ZNF568: variants seen among roughly 807,000 people sequenced by gnomAD.
ZNF568 encodes the protein zinc finger protein 568, also known as p53 inhibitor of SCO2 activation.
A neutral mutation model predicts 18.1 loss-of-function variants in ZNF568; 11 were observed. The ratio of observed to expected loss-of-function variants is 0.61; its 90% CI spans 0.38 to 1.00. The LOEUF (loss-of-function observed/expected upper bound fraction) is 1.00, where lower values mean the gene tolerates loss of function less well. Among genes scored for constraint, ZNF568 ranks in the 50% least tolerant of loss-of-function variants. The pLI, the probability that ZNF568 is intolerant of heterozygous loss-of-function variation, is 0.01. For missense variants in ZNF568, 639 were observed against 768.2 expected (o/e 0.83, Z 1.99); for synonymous variants, 213 against 246.6 (o/e 0.86, Z 1.28).
chr19:36,921,648 T>C (rs920548701), intron 2 of ZNF568, among the ~76,000 whole-genome samples: 2 of 152,156 alleles, frequency 1.3e-5, no homozygotes, highest in South Asian at 4.1e-4. Flanking sequence ...TTTTACCCTT[T>C]ACCTAATAAA....
At chr19:36,945,168 C>G (rs753603620) in intron 6 of ZNF568, among the ~76,000 whole-genome samples, 5 of 151,464 alleles carry the variant, frequency 3.3e-5, no homozygotes, top group African/African-American at 4.9e-5. Context: ...AGAATATACT[C>G]TCTTTTATGT....
At chr19:36,961,559 C>G (rs568965812) in intron 6 of ZNF568, among the ~76,000 whole-genome samples, 188 of 152,204 alleles carry the variant, frequency 1.2e-3, no homozygotes, top group African/African-American at 4.4e-3. Flanking sequence ...TGGAGTCTCA[C>G]TCTGTTGCCC....
chr19:36,993,335 T>C (rs2074442073), intron 4 of ZNF568, among the ~76,000 whole-genome samples: 1 of 152,216 alleles, frequency 6.6e-6, no homozygotes, highest in South Asian at 2.1e-4. Flanking sequence ...CTGTTGGATC[T>C]GGTTTGGTCT....
chr19:36,917,419 G>A (rs1050791511), intron 1 of ZNF568, among the ~76,000 whole-genome samples, 160 bp from the exon 2 acceptor site: 2 of 152,166 alleles, frequency 1.3e-5, no homozygotes, highest in African/African-American at 4.8e-5. Flanking sequence ...GTGAGGAATT[G>A]GACTAAAATT....
chr19:36,945,632 CA>C (rs1445119404), intron 6 of ZNF568, among the ~76,000 whole-genome samples: 4 of 151,970 alleles, frequency 2.6e-5, no homozygotes, highest in Non-Finnish European at 5.9e-5. Context: ...GAAACATTTG[CA>C]ATTATGTGGA....
At chr19:36,978,227 T>C (rs111441419) in intron 7 of ZNF568, among the ~76,000 whole-genome samples, 278 of 152,376 alleles carry the variant, frequency 1.8e-3, no homozygotes, top group African/African-American at 5.9e-3. Flanking sequence ...AAGCATATTC[T>C]GTATTTAGCA....
intron 3 of ZNF568, among the ~76,000 whole-genome samples, chr19:36,924,637 TG>T (rs1472980352): frequency 6.6e-6 from 1 of 150,572 alleles, no homozygotes; most frequent in East Asian, 2.0e-4. Flanking sequence ...GAAACCAGCC[TG>T]GCCAACATGG....
chr19:36,991,001 C>A, intron 2 of ZNF568: 1 of 599,816 alleles, frequency 1.7e-6, no homozygotes, highest in Non-Finnish European at 2.8e-6. Context: ...ACCATGTGGG[C>A]ACTTCACTCT....
chr19:36,937,021 CT>C (rs2073801871), intron 5 of ZNF568, 125 bp from the exon 6 acceptor site: 1 of 1,355,520 alleles, frequency 7.4e-7, no homozygotes, highest in Admixed American at 2.1e-5. Flanking sequence ...AGGCTGATTA[CT>C]TTGTGTCATT....
At chr19:36,928,919 T>A (rs1600778041) in intron 4 of ZNF568, among the ~76,000 whole-genome samples, 1 of 68,768 alleles carries the variant, frequency 1.5e-5, no homozygotes, top group East Asian at 2.2e-4. Flanking sequence ...AAATTGTCTT[T>A]AACCTACATA....
chr19:36,962,513 G>A (rs1311019589), intron 6 of ZNF568, among the ~76,000 whole-genome samples: 3 of 151,436 alleles, frequency 2.0e-5, no homozygotes, highest in Non-Finnish European at 4.4e-5. Context: ...GCTAATTTTT[G>A]TATTTTTAGT....
downstream of ZNF568, among the ~76,000 whole-genome samples, chr19:36,957,136 A>C (rs1259725235): frequency 6.6e-6 from 1 of 150,622 alleles, no homozygotes; most frequent in Non-Finnish European, 1.5e-5. Context: ...CTCCATTCTT[A>C]CTCATGAGCA....
At position 36,917,634 on chromosome 19, in the gene ZNF568, CTG is replaced by C. The variant is rs1336578287; in HGVS notation, c.-198_-197del. The C allele has an allele frequency of 1.3e-5, 2 of 152,144 alleles. No individual in the cohort carries two copies. Among genetic ancestry groups the C allele is most frequent in the Non-Finnish European group, 2.9e-5 (2 of 68,030 alleles). 9.4% of individuals were successfully genotyped at this position (152,144 alleles called of 1,614,324 possible). ...GCTTACATCCGTTTATCTTGTTTGA[CTG>C]TTATTTTAATAGGTGAGTATAGTTC... On this transcript the variant is annotated 5_prime_UTR_variant, in exon 2 of 7. Coordinates refer to ENST00000333987, the MANE Select transcript of ZNF568 (RefSeq NM_198539.4).
Position 36,941,183 on chromosome 19 carries a change from T to C in ZNF568, c.358+3941T>C, listed in dbSNP as rs180849026. 8.0e-3 allele frequency among the ~76,000 whole-genome samples: 1,215 copies of C among 152,256 alleles called. 15 individuals carry two copies. Among genetic ancestry groups the C allele is most frequent in the South Asian group, 0.046 (222 of 4,816 alleles). On this transcript the variant is annotated intron_variant, in intron 6 of 6. Transcript: ENST00000333987. Reference sequence around the variant, plus strand: ...AACAGAATATGAAGGTTAAAACACATCTAGTTATCTGAATTTTAAGTTACC... The same window carrying C: ...AACAGAATATGAAGGTTAAAACACACCTAGTTATCTGAATTTTAAGTTACC...
rs201443203 is a variant in ZNF568 at position 36,950,760 on chromosome 19, G to C, written c.1607G>C (p.Gly536Ala). 5.6e-4 allele frequency: 896 copies of C among 1,613,570 alleles called. 3 individuals carry two copies. Among genetic ancestry groups the C allele is most frequent in the South Asian group, 3.3e-3 (303 of 91,068 alleles). Residue 536 changes from glycine (G) to alanine (A), a missense_variant, in exon 7 of 7, where the codon GGG (glycine) becomes GCG (alanine). Physicochemically the swap from Gly to Ala is moderately conservative, Grantham distance 60. Coordinates refer to ENST00000333987, the MANE Select transcript of ZNF568 (RefSeq NM_198539.4). ...AAACCTTATCATTGTAATCAATGTG[G>C]GAAAGCTTTCAGTCAGAGACAAAAT... is the stretch of plus-strand genomic sequence containing the variant. ...GEKPYHCNQCGKAFSQRQNLL... is the reference protein window; with the variant it reads ...GEKPYHCNQCAKAFSQRQNLL...
At chr19:36,980,154 G>A (rs1229223886), downstream of ZNF568, 1 of 152,028 alleles carries the variant, frequency 6.6e-6, no homozygotes, top group African/African-American at 2.4e-5. Flanking sequence ...CCGGTTATAT[G>A]TGCTGTGCAT....
intron 5 of ZNF568, 76 bp downstream of exon 5, chr19:36,936,948 G>T: frequency 6.4e-7 from 1 of 1,557,030 alleles, no homozygotes; most frequent in Non-Finnish European, 8.8e-7. Context: ...ACTGTAACTT[G>T]CCAGATGAAT....
At chr19:36,921,189 T>C (rs564233204) in intron 2 of ZNF568, among the ~76,000 whole-genome samples, 1 of 152,242 alleles carries the variant, frequency 6.6e-6, no homozygotes, top group East Asian at 1.9e-4. Flanking sequence ...CGGCCAAGCA[T>C]GGTGGCTTAT....
intron 6 of ZNF568, among the ~76,000 whole-genome samples, chr19:36,945,207 AGAAGT>A (rs1568390049): frequency 6.2e-5 from 8 of 130,044 alleles, no homozygotes; most frequent in African/African-American, 1.2e-4. Context: ...AGACAGAGAG[AGAAGT>A]GTGTGTGTGT....
Sources: allele counts gnomAD v4.1 joint callset (sites outside exome capture counted in the v4.1 genomes callset), GRCh38; gene constraint gnomAD v4.1.1; transcripts MANE v1.5; gene names NCBI Gene and HGNC (gene_info 2026-07-23, HGNC 2026-07-21).